Variants in TAS1R1 observed in about 807,000 individuals in gnomAD.
TAS1R1 encodes the protein taste 1 receptor member 1, also known as taste receptor type 1 member 1.
In TAS1R1, 31 loss-of-function variants were observed where a neutral mutation model predicts 45.8. The observed-to-expected ratio is 0.68, with a 90% CI of 0.51 to 0.91. The LOEUF (loss-of-function observed/expected upper bound fraction) is 0.91. Ranked by LOEUF, TAS1R1 falls within the 40% of genes least tolerant of loss-of-function variation. The probability of loss-of-function intolerance (pLI) is 0.00; values close to 1 mark genes in which losing one functional copy is unlikely to be tolerated. For synonymous variants in TAS1R1, 437 were observed against 448.4 expected (o/e 0.97, Z 0.32); for missense variants, 1,051 against 1,063.9 (o/e 0.99, Z 0.17).
At chr1:6,569,128 G>A (rs1639944012) in intron 1 of TAS1R1, among the ~76,000 whole-genome samples, 1 of 142,526 alleles carries the variant, frequency 7.0e-6, no homozygotes, top group Non-Finnish European at 1.5e-5. Flanking sequence ...GGAGAAGGGG[G>A]CAGAACAGGA....
At chr1:6,566,734 T>A (rs1036300612) in intron 1 of TAS1R1, among the ~76,000 whole-genome samples, 3 of 152,236 alleles carry the variant, frequency 2.0e-5, no homozygotes, top group Non-Finnish European at 4.4e-5. Context: ...TAGCTGGGAC[T>A]ACAGGTGCCC....
intron 2 of TAS1R1, among the ~76,000 whole-genome samples, chr1:6,571,621 A>G (rs1570123029): frequency 1.3e-5 from 2 of 152,154 alleles, no homozygotes; most frequent in Admixed American, 6.5e-5. Flanking sequence ...GGAGTTCGAG[A>G]CCAGCCTGGC....
At chr1:6,567,786 A>G (rs898037688) in intron 1 of TAS1R1, among the ~76,000 whole-genome samples, 1 of 152,036 alleles carries the variant, frequency 6.6e-6, no homozygotes, top group Non-Finnish European at 1.5e-5. Flanking sequence ...AACTGTTGAG[A>G]CAACAGTCAG....
At chr1:6,569,769 G>A (rs774187729) in intron 1 of TAS1R1, among the ~76,000 whole-genome samples, 6 of 152,180 alleles carry the variant, frequency 3.9e-5, no homozygotes, top group Non-Finnish European at 7.3e-5. Flanking sequence ...GAGGCCAGAG[G>A]AAGCCCTTGG....
chr1:6,558,894 CTT>C (rs780826392), intron 1 of TAS1R1, among the ~76,000 whole-genome samples: 14 of 139,942 alleles, frequency 1.0e-4, no homozygotes, highest in Non-Finnish European at 9.4e-5. Flanking sequence ...AATTTTTGTA[CTT>C]TTTTTTTTTT....
intron 1 of TAS1R1, among the ~76,000 whole-genome samples, chr1:6,565,067 G>T (rs550986020): frequency 6.6e-6 from 1 of 152,246 alleles, no homozygotes; most frequent in African/African-American, 2.4e-5. Context: ...GGATTAGTGA[G>T]GAGATGTTAG....
chr1:6,568,848 T>A (rs573837995), intron 1 of TAS1R1, among the ~76,000 whole-genome samples: 2 of 152,306 alleles, frequency 1.3e-5, no homozygotes, highest in African/African-American at 4.8e-5. Context: ...AATGTAGAGA[T>A]CATGCCAAGT....
intron 1 of TAS1R1, among the ~76,000 whole-genome samples, chr1:6,567,411 T>C (rs1370087840): frequency 1.3e-5 from 2 of 151,588 alleles, no homozygotes; most frequent in Non-Finnish European, 1.5e-5. Context: ...ATACAAAAAA[T>C]TAGCCAGGCG....
At chr1:6,557,226 T>C (rs916179452) in intron 1 of TAS1R1, among the ~76,000 whole-genome samples, 1 of 150,792 alleles carries the variant, frequency 6.6e-6, no homozygotes, top group East Asian at 1.9e-4. Flanking sequence ...ATAAAGAGAA[T>C]GGGCTGGGAA....
At chr1:6,576,771 C>T (rs1640190111) in intron 4 of TAS1R1, 144 bp downstream of exon 4, 3 of 1,387,166 alleles carry the variant, frequency 2.2e-6, no homozygotes, top group South Asian at 2.6e-5. Context: ...GCCAGGGAAG[C>T]AGGGAAGACA....
In TAS1R1 at chr1:6,578,637, T is replaced by G; in HGVS notation, c.1595-16T>G. Reference sequence around the variant, plus strand: ...CTCATCTGGCTCTCAGGAACCTTCTTGGCCTTCCCTTTCAGACCTCTACAG... The same window carrying G: ...CTCATCTGGCTCTCAGGAACCTTCTGGGCCTTCCCTTTCAGACCTCTACAG... On this transcript the variant is annotated splice_polypyrimidine_tract_variant and intron_variant, in intron 5 of 5. Coordinates refer to ENST00000333172, the MANE Select transcript of TAS1R1 (RefSeq NM_138697.4). 6.5e-7 allele frequency: 1 copy of G among 1,538,570 alleles called. No homozygotes were observed. Among genetic ancestry groups the G allele is most frequent in the African/African-American group, 1.4e-5 (1 of 72,626 alleles).
intron 1 of TAS1R1, among the ~76,000 whole-genome samples, chr1:6,560,755 G>T (rs1211289363): frequency 6.6e-6 from 1 of 152,160 alleles, no homozygotes. Context: ...GGCTGAGGTG[G>T]GCAGATCACG....
At chr1:6,557,187 G>A (rs1313839478) in intron 1 of TAS1R1, among the ~76,000 whole-genome samples, 3 of 151,482 alleles carry the variant, frequency 2.0e-5, no homozygotes, top group Non-Finnish European at 4.4e-5. Flanking sequence ...CCTACTCGAA[G>A]GGCTACAGCT....
At chr1:6,576,880 G>C in intron 4 of TAS1R1, 70 bp from the exon 5 acceptor site, 1 of 1,608,574 alleles carries the variant, frequency 6.2e-7, no homozygotes, top group Non-Finnish European at 8.5e-7. Context: ...CAGAGATTCT[G>C]TTTTCTGTTC....
intron 1 of TAS1R1, among the ~76,000 whole-genome samples, chr1:6,555,886 T>TTTTTTTTTTTG (rs1441795030): frequency 7.6e-6 from 1 of 130,864 alleles, no homozygotes. Context: ...TTTTTTTTTT[T>TTTTTTTTTTTG]TTTGAGACGG....
chr1:6,556,352 C>G (rs1276207927), intron 1 of TAS1R1, among the ~76,000 whole-genome samples: 1 of 151,060 alleles, frequency 6.6e-6, no homozygotes, highest in East Asian at 2.0e-4. Context: ...AGTCAACAAT[C>G]TAGGTAGAGG....
chr1:6,575,982 C>T (rs758041086), intron 3 of TAS1R1, among the ~76,000 whole-genome samples: 19 of 151,948 alleles, frequency 1.3e-4, no homozygotes, highest in Non-Finnish European at 2.5e-4. Context: ...GCGTGAGCCA[C>T]CGCACCCGGC....
intron 1 of TAS1R1, among the ~76,000 whole-genome samples, chr1:6,562,566 C>T (rs1639808719): frequency 6.6e-6 from 1 of 152,268 alleles, no homozygotes; most frequent in Non-Finnish European, 1.5e-5. Context: ...TCTCCCAACA[C>T]TCAGCTTTTC....
chr1:6,578,584 C>G (rs1402273275), intron 5 of TAS1R1, 69 bp from the exon 6 acceptor site: 1 of 1,511,846 alleles, frequency 6.6e-7, no homozygotes, highest in African/African-American at 1.4e-5. Context: ...CAGTATCTTG[C>G]AGGCCCCTAT....
Sources: allele counts gnomAD v4.1 joint callset (sites outside exome capture counted in the v4.1 genomes callset), GRCh38; gene constraint gnomAD v4.1.1; transcripts MANE v1.5; gene names NCBI Gene and HGNC (gene_info 2026-07-23, HGNC 2026-07-21).